The following KHDRBS1 variants were observed in gnomAD, a reference collection of about 807,000 sequenced individuals.
KHDRBS1 encodes the protein KH domain-containing, RNA-binding, signal transduction-associated protein 1.
Under a neutral mutation model 48.4 loss-of-function variants are expected in KHDRBS1, and 7 were observed. The ratio of observed to expected loss-of-function variants is 0.14; its 90% CI spans 0.08 to 0.27. KHDRBS1 has a LOEUF of 0.27. KHDRBS1 is among the 10% of genes least tolerant of loss of function. The pLI is 1.00. For synonymous variants in KHDRBS1, 241 were observed against 235.8 expected (o/e 1.02, Z -0.20); for missense variants, 458 against 601.2 (o/e 0.76, Z 2.49).
At position 32,042,613 on chromosome 1, in the gene KHDRBS1, G is replaced by A; in HGVS notation, c.1321G>A (p.Gly441Arg). 6.2e-7 allele frequency: 1 copy of A among 1,604,288 alleles called. No individual in the cohort carries two copies. The highest frequency in any genetic ancestry group is 8.5e-7 in the Non-Finnish European group (1 of 1,171,346). ...GGGAGCATACAGAGAGCACCCATAT[G>A]GACGTTATTAAAAACAAACATGAGG... is the stretch of plus-strand genomic sequence containing the variant. Reference protein sequence around the residue: ...VKGAYREHPYGRY With the variant: ...VKGAYREHPYRRY The change falls in exon 9 of 9, where the codon GGA becomes AGA. Residue 441 changes from glycine to arginine, a missense_variant. Gly to Arg is a moderately radical substitution (Grantham distance 125). This residue lies in a region of KHDRBS1 where 171 missense variants were observed against 228.7 expected (regional missense o/e 0.75). Coordinates refer to ENST00000327300, the MANE Select transcript of KHDRBS1 (RefSeq NM_006559.3).
At chr1:32,017,001 T>A in intron 1 of KHDRBS1, among the ~76,000 whole-genome samples, 1 of 152,168 alleles carries the variant, frequency 6.6e-6, no homozygotes, top group East Asian at 1.9e-4. Context: ...CTCACACCTA[T>A]AATCCCAACA....
rs1167676013 is a variant in KHDRBS1 at position 32,025,714 on chromosome 1, C to T, written c.383-4584C>T. Among the ~76,000 whole-genome samples the T allele has an allele frequency of 4.3e-5, 5 of 115,140 alleles. No homozygotes were observed. The East Asian group carries it at 1.5e-3, about 35-fold the overall frequency. 75.5% of individuals were successfully genotyped at this position (115,140 alleles called of 152,430 possible). A position where few individuals can be genotyped will look rare whatever the true frequency, so the allele number is the denominator to read the frequency against. On this transcript the variant is annotated intron_variant, in intron 1 of 8. Transcript: ENST00000327300. ...TGCCTCCCTTCCTGCCCCCTCCCTTCTTCCCTCCCTCCCTTCCCTCCTTCC... is the reference window on the plus strand; with the variant it reads ...TGCCTCCCTTCCTGCCCCCTCCCTTTTTCCCTCCCTCCCTTCCCTCCTTCC...
At chr1:32,049,962 G>C (rs1639397930) in intron 10 of KHDRBS1, among the ~76,000 whole-genome samples, 1 of 152,090 alleles carries the variant, frequency 6.6e-6, no homozygotes, top group African/African-American at 2.4e-5. Context: ...CGCCCGGCCT[G>C]TTTAATTTTT....
At chr1:32,031,664 G>T in intron 3 of KHDRBS1, 24 bp downstream of exon 3, 3 of 1,460,634 alleles carry the variant, frequency 2.1e-6, no homozygotes, top group Non-Finnish European at 2.8e-6. Context: ...AGTGAGGCAA[G>T]AGGACATCCT....
At chr1:32,036,265 G>A (rs761477788) in intron 4 of KHDRBS1, among the ~76,000 whole-genome samples, 1 of 146,736 alleles carries the variant, frequency 6.8e-6, no homozygotes, top group Non-Finnish European at 1.5e-5. Flanking sequence ...TCCGCCTCCC[G>A]GGTTCTCGCC....
At chr1:32,021,046 T>A (rs529412666) in intron 1 of KHDRBS1, among the ~76,000 whole-genome samples, 2 of 152,160 alleles carry the variant, frequency 1.3e-5, no homozygotes, top group Non-Finnish European at 2.9e-5. Context: ...TGCAAAATGT[T>A]ATGGGGAAAA....
intron 10 of KHDRBS1, among the ~76,000 whole-genome samples, chr1:32,058,538 G>T (rs1417028123): frequency 6.6e-6 from 1 of 152,322 alleles, no homozygotes; most frequent in East Asian, 1.9e-4. Context: ...TGGGAGGAGG[G>T]GGGGTGTGGA....
At chr1:32,057,882 C>T (rs1298523092) in intron 10 of KHDRBS1, among the ~76,000 whole-genome samples, 2 of 148,770 alleles carry the variant, frequency 1.3e-5, no homozygotes, top group Non-Finnish European at 3.0e-5. Flanking sequence ...TTTGGGAGGC[C>T]GAGGCGGGCA....
Position 32,038,014 on chromosome 1 carries a change from C to T in KHDRBS1, c.1085C>T (p.Ala362Val), listed in dbSNP as rs1202159822. The T allele has an allele frequency of 6.2e-7, 1 of 1,614,152 alleles. No homozygotes were observed. The highest frequency in any genetic ancestry group is 1.7e-5 in the Admixed American group (1 of 60,022). ...IQRIPLPPPP[A>V]PETYEEYGYD... ...AGGATACCTTTGCCTCCACCTCCTG[C>T]ACCAGAAACATATGAAGAATATGTA... is the stretch of plus-strand genomic sequence containing the variant. Residue 362 changes from alanine (A) to valine (V), a missense_variant, in exon 6 of 9, where the codon GCA (alanine) becomes GTA (valine). Around this residue, in one of 3 missense-constraint regions of KHDRBS1, gnomAD observed 171 missense variants for 228.7 expected, o/e 0.75. Transcript: ENST00000327300.
chr1:32,019,560 A>G (rs1219023521), intron 1 of KHDRBS1, among the ~76,000 whole-genome samples: 1 of 152,158 alleles, frequency 6.6e-6, no homozygotes, highest in Non-Finnish European at 1.5e-5. Context: ...AAAGAAAGAA[A>G]AAGAAAATAT....
chr1:32,015,316 C>G (rs1638718870), intron 1 of KHDRBS1, among the ~76,000 whole-genome samples: 1 of 152,160 alleles, frequency 6.6e-6, no homozygotes, highest in Admixed American at 6.5e-5. Flanking sequence ...CTAAAGCTGT[C>G]TGACTTTCGC....
chr1:32,053,893 AC>A (rs1184091476), intron 10 of KHDRBS1, among the ~76,000 whole-genome samples: 1 of 151,694 alleles, frequency 6.6e-6, no homozygotes, highest in East Asian at 1.9e-4. Flanking sequence ...GACCAGCCTG[AC>A]CAACATGGAG....
At chr1:32,024,342 T>C (rs111880230) in intron 1 of KHDRBS1, among the ~76,000 whole-genome samples, 6,735 of 152,092 alleles carry the variant, frequency 0.044, 488 homozygotes, top group African/African-American at 0.15. Context: ...CAGGGTCTTG[T>C]TCTGTCACCC....
Position 32,013,959 on chromosome 1 carries a change from G to A in KHDRBS1, c.-37G>A. 7.0e-7 allele frequency: 1 copy of A among 1,421,936 alleles called. No individual in the cohort carries two copies. The highest frequency in any genetic ancestry group is 9.2e-7 in the Non-Finnish European group (1 of 1,092,148). The allele number at this position is 1,421,936 out of a possible 1,614,324, so 88.1% of individuals were successfully genotyped here. ...CCGCTCGGGCCTCCGTCGCTGCCGC[G>A]TCGCTTTCTCGCTCCTTGGATCGCA... On this transcript the variant is annotated 5_prime_UTR_variant, in exon 1 of 9. Coordinates refer to ENST00000327300, the MANE Select transcript of KHDRBS1 (RefSeq NM_006559.3).
chr1:32,025,283 C>T (rs532349869), intron 1 of KHDRBS1, among the ~76,000 whole-genome samples: 37 of 134,680 alleles, frequency 2.7e-4, no homozygotes, highest in Middle Eastern at 3.9e-3. Context: ...AAAAAAAATT[C>T]GGCTCCTCCT....
At chr1:32,056,890 A>G (rs1224952886) in intron 10 of KHDRBS1, among the ~76,000 whole-genome samples, 2 of 152,194 alleles carry the variant, frequency 1.3e-5, no homozygotes, top group Non-Finnish European at 2.9e-5. Context: ...GAACAATATA[A>G]AATGGTCCTT....
intron 1 of KHDRBS1, among the ~76,000 whole-genome samples, chr1:32,027,790 T>G (rs956321203): frequency 6.6e-6 from 1 of 152,168 alleles, no homozygotes; most frequent in African/African-American, 2.4e-5. Context: ...TCTATATATT[T>G]CACAGCTGCA....
In KHDRBS1 at chr1:32,014,340, C is replaced by A; in HGVS notation, c.345C>A (p.Asp115Glu). Reference protein sequence around the residue: ...PELMAEKDSLDPSFTHAMQLL... With the variant: ...PELMAEKDSLEPSFTHAMQLL... ...TCATGGCCGAGAAGGACTCGCTCGA[C>A]CCGTCCTTCACTCACGCCATGCAGC... Residue 115 changes from aspartate (D) to glutamate (E), a missense_variant, in exon 1 of 9, where the codon GAC becomes GAA. This residue lies in a region of KHDRBS1 where 213 missense variants were observed against 215.6 expected (regional missense o/e 0.99). Coordinates refer to ENST00000327300, the MANE Select transcript of KHDRBS1 (RefSeq NM_006559.3). The A allele has an allele frequency of 6.5e-7, 1 of 1,539,484 alleles. No homozygotes were observed. Among genetic ancestry groups the A allele is most frequent in the Non-Finnish European group, 8.8e-7 (1 of 1,138,696 alleles).
In KHDRBS1 at chr1:32,019,833, G is replaced by A. The variant is rs564958786; in HGVS notation, c.382+5456G>A. ...GTCGCTCACGCTGGAGTGCAGTGGCGCGATCTTGGCTGACTGCTACCTCTA... is the reference window on the plus strand; with the variant it reads ...GTCGCTCACGCTGGAGTGCAGTGGCACGATCTTGGCTGACTGCTACCTCTA... On this transcript the variant is annotated intron_variant, in intron 1 of 8. Coordinates refer to ENST00000327300, the MANE Select transcript of KHDRBS1 (RefSeq NM_006559.3). Among the ~76,000 whole-genome samples the A allele has an allele frequency of 1.4e-4, 21 of 152,126 alleles. 1 individual carries two copies. The highest frequency in any genetic ancestry group is 1.2e-3 in the Admixed American group (18 of 15,274).
Sources: gnomAD v4.1 joint callset for allele counts (sites outside exome capture counted in the v4.1 genomes callset) on GRCh38, gnomAD v4.1.1 for gene constraint, gnomAD v4.1.1 regional missense constraint, MANE v1.5 for transcripts, NCBI Gene and HGNC (gene_info 2026-07-23, HGNC 2026-07-21) for gene names.